Variants in LPAR6 observed in about 807,000 individuals in gnomAD.
The protein encoded by LPAR6 is lysophosphatidic acid receptor 6.
Under a neutral mutation model 22.0 loss-of-function variants are expected in LPAR6, and 17 were observed. The observed-to-expected ratio is 0.77, with a 90% CI of 0.53 to 1.16. LPAR6 has a LOEUF of 1.16. Ranked by LOEUF, LPAR6 falls within the 50% of genes most tolerant of loss-of-function variation. The pLI is 0.00. For synonymous variants in LPAR6, 136 were observed against 139.8 expected, an observed-to-expected ratio of 0.97 and a Z score of 0.19; for missense variants, 384 against 406.9, an observed-to-expected ratio of 0.94 and a Z score of 0.48.
chr13:48,439,283 G>A (rs1236193974), intron 1 of LPAR6, among the ~76,000 whole-genome samples: 2 of 152,026 alleles, frequency 1.3e-5, no homozygotes, highest in African/African-American at 4.8e-5. Context: ...AAAATATTTA[G>A]CATAGAACCT....
chr13:48,419,170 G>A (rs904279151), intron 2 of LPAR6, among the ~76,000 whole-genome samples: 8 of 152,006 alleles, frequency 5.3e-5, no homozygotes, highest in African/African-American at 1.7e-4. Context: ...CAAAACAATG[G>A]AAATCATAAC....
intron 1 of LPAR6, among the ~76,000 whole-genome samples, chr13:48,439,207 AT>A (rs1182389886): frequency 6.6e-6 from 1 of 152,206 alleles, no homozygotes; most frequent in African/African-American, 2.4e-5. Flanking sequence ...AAAATTTATA[AT>A]TTCTATAAAA....
intron 1 of LPAR6, among the ~76,000 whole-genome samples, chr13:48,437,395 G>A (rs1949194565): frequency 6.6e-6 from 1 of 152,166 alleles, no homozygotes; most frequent in Non-Finnish European, 1.5e-5. Flanking sequence ...AAGATCAATT[G>A]CTATATTAAT....
At chr13:48,390,589 A>T (rs1338837041) in intron 1 of LPAR6, among the ~76,000 whole-genome samples, 1 of 152,188 alleles carries the variant, frequency 6.6e-6, no homozygotes, top group Non-Finnish European at 1.5e-5. Flanking sequence ...GCTCACTTAA[A>T]AAAAAACTAA....
downstream of LPAR6, among the ~76,000 whole-genome samples, chr13:48,410,764 TCTG>T (rs1025693741): frequency 6.6e-5 from 10 of 152,292 alleles, no homozygotes; most frequent in Non-Finnish European, 8.8e-5. Context: ...ATAGATAGCA[TCTG>T]CTTTCTACAA....
intron 1 of LPAR6, among the ~76,000 whole-genome samples, chr13:48,394,951 G>A (rs997414604): frequency 4.6e-5 from 7 of 152,170 alleles, no homozygotes; most frequent in Non-Finnish European, 1.0e-4. Flanking sequence ...CTCCTGACTG[G>A]GAAACACCTC....
chr13:48,420,709 G>T (rs1258189470), intron 2 of LPAR6, among the ~76,000 whole-genome samples: 1 of 152,162 alleles, frequency 6.6e-6, no homozygotes, highest in South Asian at 2.1e-4. Context: ...CAAAATTAAT[G>T]TGCAGAAATC....
At chr13:48,398,030 G>A (rs541458212) in intron 1 of LPAR6, among the ~76,000 whole-genome samples, 18 of 152,254 alleles carry the variant, frequency 1.2e-4, no homozygotes, top group African/African-American at 4.1e-4. Context: ...GTAAGATAAC[G>A]ATTAAGCCAC....
intron 1 of LPAR6, among the ~76,000 whole-genome samples, chr13:48,432,302 C>T (rs1232840477): frequency 3.9e-5 from 6 of 152,144 alleles, no homozygotes; most frequent in African/African-American, 9.7e-5. Flanking sequence ...TTCATGTCCC[C>T]AAGATCTTTG....
At chr13:48,393,778 A>T (rs773225713) in intron 1 of LPAR6, among the ~76,000 whole-genome samples, 11 of 151,850 alleles carry the variant, frequency 7.2e-5, no homozygotes, top group Non-Finnish European at 1.5e-4. Context: ...TTTTGTATTA[A>T]ATTTTGGTAC....
At chr13:48,405,157 C>T (rs1256849049) in intron 1 of LPAR6, among the ~76,000 whole-genome samples, 3 of 152,124 alleles carry the variant, frequency 2.0e-5, no homozygotes, top group East Asian at 1.9e-4. Context: ...AAAAATCCTA[C>T]GATGCAACAA....
At chr13:48,403,636 G>A (rs1415215839) in intron 1 of LPAR6, among the ~76,000 whole-genome samples, 1 of 152,098 alleles carries the variant, frequency 6.6e-6, no homozygotes, top group Non-Finnish European at 1.5e-5. Flanking sequence ...CCTCAAACTT[G>A]AGCATGCATC....
At chr13:48,420,516 A>G (rs1948989081) in intron 2 of LPAR6, among the ~76,000 whole-genome samples, 1 of 152,194 alleles carries the variant, frequency 6.6e-6, no homozygotes, top group Non-Finnish European at 1.5e-5. Flanking sequence ...TATTCAACAT[A>G]GTATTGGAAG....
At chr13:48,417,074 G>A (rs550226344), upstream of LPAR6, 2 of 152,522 alleles carry the variant, frequency 1.3e-5, no homozygotes, top group Admixed American at 1.3e-4. Flanking sequence ...CTCGAGCTCT[G>A]CTAAGGGACA....
chr13:48,433,907 TC>T (rs1012516061), intron 1 of LPAR6, among the ~76,000 whole-genome samples: 11 of 151,874 alleles, frequency 7.2e-5, no homozygotes, highest in African/African-American at 2.7e-4. Flanking sequence ...ATACTTTTTT[TC>T]AGATAGGGTC....
upstream of LPAR6, among the ~76,000 whole-genome samples, chr13:48,431,574 G>A (rs2138278812): frequency 6.6e-6 from 1 of 151,952 alleles, no homozygotes. Context: ...TTTTTTTATT[G>A]GTTTTCTAGT....
Position 48,411,770 on chromosome 13 carries a change from A to G in LPAR6, c.654T>C (p.Ser218=). 1.9e-6 allele frequency: 3 copies of G among 1,611,110 alleles called. No individual in the cohort carries two copies. In the Middle Eastern group the frequency reaches 5.0e-4, roughly 266 times the overall value. The change falls in exon 1 of 1, where the codon AGT becomes AGC. Residue 218 remains serine, a synonymous_variant. Coordinates refer to ENST00000620633, the MANE Select transcript of LPAR6 (RefSeq NM_001162498.3). ...LKTLTKPVTL[S]RSKINKTKVL... The stretch of plus-strand genomic sequence containing the variant: ...CCTTAGTTTTGTTTATTTTGCTTCT[A>G]CTTAATGTAACAGGTTTGGTTAAAG...
downstream of LPAR6, among the ~76,000 whole-genome samples, chr13:48,410,197 T>C (rs551063112): frequency 6.6e-6 from 1 of 152,350 alleles, no homozygotes; most frequent in East Asian, 1.9e-4. Flanking sequence ...AATAGCATTT[T>C]GGTCAATGAC....
intron 1 of LPAR6, among the ~76,000 whole-genome samples, chr13:48,398,099 C>G (rs868304405): frequency 1.3e-5 from 2 of 152,252 alleles, no homozygotes; most frequent in South Asian, 2.1e-4. Context: ...GCCATATATA[C>G]TTTTACACAA....
Sources: gnomAD v4.1 joint callset for allele counts (sites outside exome capture counted in the v4.1 genomes callset) on GRCh38, gnomAD v4.1.1 for gene constraint, MANE v1.5 for transcripts, NCBI Gene and HGNC (gene_info 2026-07-23, HGNC 2026-07-21) for gene names.